Variants in ADAMTS17 observed in about 807,000 individuals in gnomAD.
The protein encoded by ADAMTS17 is A disintegrin and metalloproteinase with thrombospondin motifs 17.
ADAMTS17 carries 113 observed loss-of-function variants against 141.5 expected under a neutral mutation model. The observed-to-expected ratio is 0.80, with a 90% CI of 0.69 to 0.93. The LOEUF (loss-of-function observed/expected upper bound fraction) is 0.93, where lower values mean the gene tolerates loss of function less well. Among genes scored for constraint, ADAMTS17 ranks in the 40% least tolerant of loss-of-function variants. The probability of loss-of-function intolerance (pLI) is 0.00; values close to 1 mark genes in which losing one functional copy is unlikely to be tolerated. For missense variants in ADAMTS17, 1,659 were observed against 1,517.9 expected (o/e 1.09, Z -1.54); for synonymous variants, 768 against 630.6 (o/e 1.22, Z -3.27).
chr15:100,111,216 G>A (rs1052751847), intron 13 of ADAMTS17, among the ~76,000 whole-genome samples: 5 of 152,200 alleles, frequency 3.3e-5, no homozygotes, highest in African/African-American at 1.2e-4. Flanking sequence ...GACACGTGAT[G>A]TTTGCTTCTG....
chr15:100,188,653 T>C (rs1396901224), intron 8 of ADAMTS17, among the ~76,000 whole-genome samples: 1 of 152,226 alleles, frequency 6.6e-6, no homozygotes, highest in Non-Finnish European at 1.5e-5. Flanking sequence ...GTCACATGTC[T>C]GGACTAGAGT....
intron 2 of ADAMTS17, 100 bp from the exon 3 acceptor site, chr15:100,331,154 G>A (rs1596540139): frequency 6.8e-7 from 1 of 1,475,492 alleles, no homozygotes; most frequent in East Asian, 2.4e-5. Flanking sequence ...CTGTGATTTG[G>A]TTTTCCAGGT....
At chr15:100,238,915 A>T (rs1157405455) in intron 7 of ADAMTS17, among the ~76,000 whole-genome samples, 2 of 152,112 alleles carry the variant, frequency 1.3e-5, no homozygotes, top group East Asian at 3.9e-4. Context: ...AACAGGTGAA[A>T]CCCTGTTTCT....
chr15:100,064,811 T>A (rs2033395869), intron 15 of ADAMTS17, among the ~76,000 whole-genome samples: 1 of 152,206 alleles, frequency 6.6e-6, no homozygotes, highest in South Asian at 2.1e-4. Flanking sequence ...GAGCCTAACA[T>A]GACGGTGAGA....
At chr15:99,981,585 G>A (rs1218947344) in intron 20 of ADAMTS17, among the ~76,000 whole-genome samples, 1 of 152,202 alleles carries the variant, frequency 6.6e-6, no homozygotes, top group East Asian at 1.9e-4. Flanking sequence ...GCCCCCTAGA[G>A]GATGCTTCCA....
At position 100,075,309 on chromosome 15, in the gene ADAMTS17, G is replaced by A. The variant is rs957613014; in HGVS notation, c.2137+21047C>T. 1.1e-4 allele frequency among the ~76,000 whole-genome samples: 17 copies of A among 151,960 alleles called. 1 individual carries two copies. Among genetic ancestry groups the A allele is most frequent in the East Asian group, 3.9e-4 (2 of 5,186 alleles). ...TTTAATGTTTGTTATGCATTTTTCT[G>A]CCAGTTTCTCTAATAAATTCTTGCT... On this transcript the variant is annotated intron_variant, in intron 15 of 21. Transcript: ENST00000268070.
intron 10 of ADAMTS17, among the ~76,000 whole-genome samples, chr15:100,151,982 A>G (rs1006514026): frequency 1.3e-5 from 2 of 152,214 alleles, no homozygotes; most frequent in African/African-American, 4.8e-5. Context: ...ATGTTTGCTT[A>G]CTTTGACTTG....
chr15:100,289,276 C>G (rs1346541018), intron 3 of ADAMTS17, among the ~76,000 whole-genome samples: 1 of 152,114 alleles, frequency 6.6e-6, no homozygotes, highest in Non-Finnish European at 1.5e-5. Flanking sequence ...CATCCATTCT[C>G]CCAAAATTGA....
chr15:100,007,388 G>T (rs188652954), intron 18 of ADAMTS17, among the ~76,000 whole-genome samples: 1 of 152,120 alleles, frequency 6.6e-6, no homozygotes, highest in East Asian at 1.9e-4. Context: ...GGCAGTGGTG[G>T]CAAGGGGACA....
chr15:100,180,762 T>C (rs542448801), intron 8 of ADAMTS17, among the ~76,000 whole-genome samples: 2 of 152,348 alleles, frequency 1.3e-5, no homozygotes, highest in East Asian at 3.9e-4. Context: ...TTCTTAGGTA[T>C]TTTATTTGTA....
intron 8 of ADAMTS17, among the ~76,000 whole-genome samples, chr15:100,171,098 C>T (rs2040142908): frequency 6.6e-6 from 1 of 152,040 alleles, no homozygotes; most frequent in African/African-American, 2.4e-5. Flanking sequence ...CCAGCACTTC[C>T]TATACCCTTC....
At chr15:100,167,724 C>A (rs57163390) in intron 8 of ADAMTS17, among the ~76,000 whole-genome samples, 1 of 152,132 alleles carries the variant, frequency 6.6e-6, no homozygotes, top group South Asian at 2.1e-4. Flanking sequence ...GCTACAAAAG[C>A]GCGTATGGCG....
chr15:100,121,443 C>T (rs574721501), intron 12 of ADAMTS17, among the ~76,000 whole-genome samples: 2 of 152,112 alleles, frequency 1.3e-5, no homozygotes, highest in African/African-American at 4.8e-5. Flanking sequence ...TTGAAAGCAC[C>T]AAGAGAGAAG....
intron 13 of ADAMTS17, among the ~76,000 whole-genome samples, chr15:100,116,627 C>T (rs1030634656): frequency 6.6e-6 from 1 of 152,234 alleles, no homozygotes; most frequent in African/African-American, 2.4e-5. Flanking sequence ...TGGCCTGCTG[C>T]CTGCTTCAAC....
At chr15:100,303,589 T>G (rs1194914604) in intron 3 of ADAMTS17, among the ~76,000 whole-genome samples, 1 of 152,200 alleles carries the variant, frequency 6.6e-6, no homozygotes, top group Non-Finnish European at 1.5e-5. Flanking sequence ...TCTGATAGTT[T>G]TAGCTCTTAA....
At chr15:100,105,230 G>A (rs540722794) in intron 14 of ADAMTS17, among the ~76,000 whole-genome samples, 9 of 152,326 alleles carry the variant, frequency 5.9e-5, no homozygotes, top group African/African-American at 1.4e-4. Flanking sequence ...TGGTGCTTTC[G>A]AGAATTGGTA....
chr15:100,315,566 T>C (rs371242509), intron 3 of ADAMTS17, among the ~76,000 whole-genome samples: 9 of 152,364 alleles, frequency 5.9e-5, no homozygotes, highest in Middle Eastern at 3.4e-3. Context: ...CCAGCTGTGA[T>C]GGCTCACACC....
At chr15:100,098,507 CATGGTGGCACGCACCT>C (rs2035901258) in intron 14 of ADAMTS17, among the ~76,000 whole-genome samples, 3 of 151,964 alleles carry the variant, frequency 2.0e-5, no homozygotes, top group African/African-American at 7.3e-5. Context: ...ATTAGCTAGG[CATGGTGGCACGCACCT>C]ATGGTGACAC....
intron 15 of ADAMTS17, among the ~76,000 whole-genome samples, chr15:100,076,742 A>T (rs2034405054): frequency 6.6e-6 from 1 of 152,216 alleles, no homozygotes; most frequent in African/African-American, 2.4e-5. Context: ...ATACAAATAC[A>T]CTTGAGTATA....
Sources: allele counts gnomAD v4.1 joint callset (sites outside exome capture counted in the v4.1 genomes callset), GRCh38; gene constraint gnomAD v4.1.1; transcripts MANE v1.5; gene names NCBI Gene and HGNC (gene_info 2026-07-23, HGNC 2026-07-21).